LARGE1: variants seen among roughly 807,000 people sequenced by gnomAD.
The protein encoded by LARGE1 is LARGE xylosyl- and glucuronyltransferase 1.
Under a neutral mutation model 87.6 loss-of-function variants are expected in LARGE1, and 43 were observed. The ratio of observed to expected loss-of-function variants is 0.49; its 90% CI spans 0.38 to 0.63. The LOEUF (loss-of-function observed/expected upper bound fraction) is 0.63, where lower values mean the gene tolerates loss of function less well. Ranked by LOEUF, LARGE1 falls within the 30% of genes least tolerant of loss-of-function variation. LARGE1 has a pLI of 0.00. For missense variants in LARGE1, 802 were observed against 1,000.2 expected, an observed-to-expected ratio of 0.80 and a Z score of 2.67; for synonymous variants, 434 against 394.6, an observed-to-expected ratio of 1.10 and a Z score of -1.18.
At chr22:33,894,644 A>G (rs1258906087) in intron 1 of LARGE1, among the ~76,000 whole-genome samples, 2 of 152,122 alleles carry the variant, frequency 1.3e-5, no homozygotes, top group African/African-American at 2.4e-5. Flanking sequence ...CAGTGGCCCC[A>G]GGCAAGTTAG....
At chr22:33,501,041 C>T (rs902922138) in intron 6 of LARGE1, among the ~76,000 whole-genome samples, 1 of 152,072 alleles carries the variant, frequency 6.6e-6, no homozygotes, top group African/African-American at 2.4e-5. Context: ...AGCCTAGGAC[C>T]CTCCATGATT....
At chr22:33,125,167 A>T in the LARGE1 span, among the ~76,000 whole-genome samples, 1 of 152,122 alleles carries the variant, frequency 6.6e-6, no homozygotes, top group Non-Finnish European at 1.5e-5. Context: ...GAGCAACTGG[A>T]GGTGCTTTCA....
chr22:33,579,050 G>A (rs1487135219), intron 5 of LARGE1, among the ~76,000 whole-genome samples: 1 of 152,178 alleles, frequency 6.6e-6, no homozygotes, highest in Non-Finnish European at 1.5e-5. Flanking sequence ...CCAGACCCAG[G>A]AAGATTGTTA....
At chr22:33,418,830 G>C (rs2066591798) in intron 7 of LARGE1, among the ~76,000 whole-genome samples, 1 of 152,184 alleles carries the variant, frequency 6.6e-6, no homozygotes, top group African/African-American at 2.4e-5. Flanking sequence ...CTCTGTGCTA[G>C]TGGTGATCTT....
the LARGE1 span, among the ~76,000 whole-genome samples, chr22:33,111,427 A>T: frequency 6.6e-6 from 1 of 152,156 alleles, no homozygotes; most frequent in East Asian, 1.9e-4. Flanking sequence ...AGCCACACAA[A>T]GGTAGGCAAG....
At chr22:33,394,508 T>C (rs1230805644) in intron 7 of LARGE1, among the ~76,000 whole-genome samples, 1 of 152,188 alleles carries the variant, frequency 6.6e-6, no homozygotes, top group African/African-American at 2.4e-5. Context: ...AGATGACCTC[T>C]GATTCTTATG....
At chr22:33,271,651 C>T (rs1260588039), downstream of LARGE1, among the ~76,000 whole-genome samples, 4 of 152,250 alleles carry the variant, frequency 2.6e-5, no homozygotes, top group Non-Finnish European at 4.4e-5. Flanking sequence ...AAGAAATCAA[C>T]ATCTTTTGCA....
chr22:33,649,661 C>G (rs1269572933), intron 3 of LARGE1, among the ~76,000 whole-genome samples: 1 of 152,146 alleles, frequency 6.6e-6, no homozygotes, highest in Non-Finnish European at 1.5e-5. Context: ...TCAGTCTCGC[C>G]CATCTCTCAA....
intron 11 of LARGE1, among the ~76,000 whole-genome samples, chr22:33,211,630 G>A (rs776855739): frequency 9.9e-5 from 15 of 152,046 alleles, no homozygotes; most frequent in Non-Finnish European, 1.9e-4. Context: ...AAGATTAGCC[G>A]GGCGTGGTGG....
the LARGE1 span, among the ~76,000 whole-genome samples, chr22:33,084,253 A>T: frequency 1.3e-5 from 2 of 152,104 alleles, no homozygotes; most frequent in Admixed American, 1.3e-4. Context: ...TTTGAATTCC[A>T]TCCCTTGACT....
intron 1 of LARGE1, among the ~76,000 whole-genome samples, chr22:33,883,054 G>T (rs1240888353): frequency 6.6e-6 from 1 of 152,198 alleles, no homozygotes; most frequent in East Asian, 1.9e-4. Flanking sequence ...TGGGTTAGAA[G>T]ATTTCTAAAG....
At chr22:33,629,908 G>A (rs1258060966) in intron 3 of LARGE1, among the ~76,000 whole-genome samples, 1 of 152,056 alleles carries the variant, frequency 6.6e-6, no homozygotes, top group African/African-American at 2.4e-5. Context: ...CATCACTGCA[G>A]GCTAATTTTG....
the LARGE1 span, among the ~76,000 whole-genome samples, chr22:33,079,269 C>T: frequency 2.0e-5 from 3 of 147,852 alleles, no homozygotes; most frequent in East Asian, 2.0e-4. Flanking sequence ...ACTCTGTCAC[C>T]CAGGCTGGAG....
chr22:33,378,273 T>C (rs538550177), intron 9 of LARGE1, among the ~76,000 whole-genome samples: 1 of 152,326 alleles, frequency 6.6e-6, no homozygotes, highest in African/African-American at 2.4e-5. Flanking sequence ...CCCAAAATAA[T>C]ATGGGCATAG....
rs117925048 is a variant in LARGE1, at chr22:33,513,917, G to A, written c.787+50931C>T. ...TAGTGTTGTGGTCCCATAAGATTAT[G>A]ACGTTGCATTTTTACTGTCCCTTTT... On this transcript the variant is annotated intron_variant, in intron 6 of 14. Coordinates refer to ENST00000397394, the MANE Select transcript of LARGE1 (RefSeq NM_133642.5). Among the ~76,000 whole-genome samples the A allele has an allele frequency of 3.2e-3, 493 of 151,760 alleles. 4 individuals carry two copies. Among genetic ancestry groups the A allele is most frequent in the South Asian group, 0.019 (91 of 4,796 alleles).
intron 2 of LARGE1, among the ~76,000 whole-genome samples, chr22:33,728,453 C>T (rs562122907): frequency 1.4e-5 from 2 of 147,460 alleles, no homozygotes; most frequent in South Asian, 2.2e-4. Context: ...GCAGGAGAAT[C>T]GCTTGAACCT....
At chr22:33,704,091 A>G (rs12159718) in intron 2 of LARGE1, among the ~76,000 whole-genome samples, 66 of 152,318 alleles carry the variant, frequency 4.3e-4, no homozygotes, top group African/African-American at 1.6e-3. Flanking sequence ...CTAGATCTTA[A>G]ATCTTAGGAA....
chr22:33,778,982 C>T (rs1404575143), intron 1 of LARGE1, among the ~76,000 whole-genome samples: 1 of 152,110 alleles, frequency 6.6e-6, no homozygotes, highest in Non-Finnish European at 1.5e-5. Context: ...ATTAATAGTC[C>T]ATTGCACGGA....
chr22:33,763,738 G>T (rs968420812), intron 1 of LARGE1, among the ~76,000 whole-genome samples: 1 of 151,526 alleles, frequency 6.6e-6, no homozygotes, highest in African/African-American at 2.4e-5. Context: ...AGGCTCAAAT[G>T]AGAGAGCCTT....
Sources: gnomAD v4.1 joint callset for allele counts (sites outside exome capture counted in the v4.1 genomes callset) on GRCh38, gnomAD v4.1.1 for gene constraint, MANE v1.5 for transcripts, NCBI Gene and HGNC (gene_info 2026-07-23, HGNC 2026-07-21) for gene names.